Variants in NRXN3 observed in about 807,000 individuals in gnomAD.
The protein encoded by NRXN3 is neurexin 3, also known as neurexin III.
In NRXN3, 32 loss-of-function variants were observed where a neutral mutation model predicts 137.6. The ratio of observed to expected loss-of-function variants is 0.23; its 90% confidence interval spans 0.18 to 0.31. NRXN3 has a LOEUF of 0.31. Among genes scored for constraint, NRXN3 ranks in the 10% least tolerant of loss-of-function variants. NRXN3 has a pLI of 1.00. For synonymous variants in NRXN3, 798 were observed against 784.5 expected, an observed-to-expected ratio of 1.02 and a Z score of -0.29; for missense variants, 1,574 against 2,062.5, an observed-to-expected ratio of 0.76 and a Z score of 4.59.
rs1385773966 is a variant in NRXN3, at chr14:79,848,717, C to T, written c.4094-12625C>T. Among the ~76,000 whole-genome samples, 9 of 152,224 alleles carry T rather than the reference C, an allele frequency of 5.9e-5. No individual in the cohort carries two copies. In the East Asian group the frequency reaches 1.7e-3, roughly 29 times the overall value. On this transcript the variant is annotated intron_variant, in intron 20 of 20. Transcript: ENST00000335750. ...TGACTTTATTTCTCCAGCCCTGGCC[C>T]CTCACCTCACCATCTCTTAGCTGGC...
At chr14:79,258,836 C>A (rs2077138498) in intron 15 of NRXN3, among the ~76,000 whole-genome samples, 4 of 152,116 alleles carry the variant, frequency 2.6e-5, no homozygotes, top group African/African-American at 9.7e-5. Context: ...AACAGATAGG[C>A]AGAGAAAAGA....
At chr14:79,598,811 G>T (rs1037926804) in intron 16 of NRXN3, among the ~76,000 whole-genome samples, 12 of 152,174 alleles carry the variant, frequency 7.9e-5, no homozygotes, top group African/African-American at 2.9e-4. Flanking sequence ...CCATCTAGTA[G>T]TAAAAGGTGT....
intron 2 of NRXN3, among the ~76,000 whole-genome samples, chr14:78,250,661 C>T (rs2068468515): frequency 6.6e-6 from 1 of 152,198 alleles, no homozygotes; most frequent in Non-Finnish European, 1.5e-5. Context: ...CTTAGCATCC[C>T]ACTGAATAGA....
At chr14:79,297,541 AATC>A (rs2084390011) in intron 15 of NRXN3, among the ~76,000 whole-genome samples, 1 of 152,160 alleles carries the variant, frequency 6.6e-6, no homozygotes, top group Non-Finnish European at 1.5e-5. Flanking sequence ...ACAAACAGGT[AATC>A]ATCTAATGTT....
At chr14:79,106,291 A>C (rs1447175635) in intron 15 of NRXN3, among the ~76,000 whole-genome samples, 1 of 152,076 alleles carries the variant, frequency 6.6e-6, no homozygotes, top group East Asian at 1.9e-4. Flanking sequence ...CTTGGACTGA[A>C]ACCCAATTCA....
At chr14:79,707,151 G>A (rs535901326) in intron 19 of NRXN3, among the ~76,000 whole-genome samples, 14 of 152,174 alleles carry the variant, frequency 9.2e-5, no homozygotes, top group African/African-American at 3.4e-4. Flanking sequence ...TTGAGAGAAG[G>A]AACAATAGCT....
At chr14:78,756,770 G>T (rs2098670475) in intron 8 of NRXN3, among the ~76,000 whole-genome samples, 1 of 152,180 alleles carries the variant, frequency 6.6e-6, no homozygotes, top group African/African-American at 2.4e-5. Context: ...GTTCTAGGAT[G>T]AAAATGTTTA....
At chr14:79,750,931 T>G (rs148647124) in intron 19 of NRXN3, among the ~76,000 whole-genome samples, 12 of 152,294 alleles carry the variant, frequency 7.9e-5, no homozygotes, top group African/African-American at 1.9e-4. Flanking sequence ...CTGTGCTTAT[T>G]ATGGGGATGA....
At chr14:78,366,872 T>C (rs139688797) in intron 4 of NRXN3, among the ~76,000 whole-genome samples, 201 of 152,310 alleles carry the variant, frequency 1.3e-3, no homozygotes, top group African/African-American at 4.6e-3. Context: ...AGCCATATCA[T>C]TGGTGTATTT....
intron 4 of NRXN3, among the ~76,000 whole-genome samples, chr14:78,316,292 G>C (rs1163467575): frequency 1.3e-5 from 2 of 151,852 alleles, no homozygotes; most frequent in Non-Finnish European, 2.9e-5. Context: ...GGGGGCGGGG[G>C]TGGCAGACAG....
In NRXN3 at chr14:79,499,778, A is replaced by T. The variant is rs141174639; in HGVS notation, c.3444+32376A>T. 1.1e-3 allele frequency among the ~76,000 whole-genome samples: 164 copies of T among 152,292 alleles called. 1 individual carries two copies. The highest frequency in any genetic ancestry group is 3.4e-3 in the African/African-American group (142 of 41,574). On this transcript the variant is annotated intron_variant, in intron 16 of 20. Coordinates refer to ENST00000335750, the MANE Select transcript of NRXN3 (RefSeq NM_001330195.2). The stretch of plus-strand genomic sequence containing the variant: ...ACCAGCCACCCTAATCTAGGGGACT[A>T]GAATACCGAAAGAAAATTTGCTTCT...
At chr14:79,565,317 A>ATGTGTG (rs1491068802) in intron 16 of NRXN3, among the ~76,000 whole-genome samples, 5 of 127,874 alleles carry the variant, frequency 3.9e-5, no homozygotes, top group Admixed American at 3.7e-4. Context: ...ATACACACAC[A>ATGTGTG]TGTGTGTGTA....
intron 10 of NRXN3, among the ~76,000 whole-genome samples, chr14:78,914,454 T>C (rs1484724226): frequency 6.6e-6 from 1 of 152,124 alleles, no homozygotes; most frequent in African/African-American, 2.4e-5. Flanking sequence ...GGATAGGGTA[T>C]GTCAGGGTGA....
At chr14:79,123,939 T>C (rs2055938920) in intron 15 of NRXN3, among the ~76,000 whole-genome samples, 1 of 152,190 alleles carries the variant, frequency 6.6e-6, no homozygotes, top group South Asian at 2.1e-4. Flanking sequence ...TAACCATTTC[T>C]AAGTTGTATC....
chr14:79,765,782 C>T (rs181362989), intron 19 of NRXN3, among the ~76,000 whole-genome samples: 5 of 152,260 alleles, frequency 3.3e-5, no homozygotes, highest in East Asian at 1.9e-4. Flanking sequence ...TCTTCTCTGG[C>T]GGTGTGAGAC....
intron 4 of NRXN3, among the ~76,000 whole-genome samples, chr14:78,384,350 T>A (rs1434730082): frequency 6.6e-6 from 1 of 152,036 alleles, no homozygotes; most frequent in Non-Finnish European, 1.5e-5. Flanking sequence ...TACTCCAAGA[T>A]AAGGAGAGGC....
chr14:79,447,933 C>G (rs916157084), intron 15 of NRXN3, among the ~76,000 whole-genome samples: 2 of 152,192 alleles, frequency 1.3e-5, no homozygotes, highest in Admixed American at 6.5e-5. Context: ...TTACCTTCCT[C>G]CCAAGTCTGA....
rs560657169 is a variant in NRXN3, at chr14:78,416,479, T to A, written c.757+118619T>A. ...AGGGTGGCGACACTGATTTTAACTG[T>A]CAAATTGATCTAGAGTTGTCAGATG... is the stretch of plus-strand genomic sequence containing the variant. On this transcript the variant is annotated intron_variant, in intron 4 of 20. Coordinates refer to ENST00000335750, the MANE Select transcript of NRXN3 (RefSeq NM_001330195.2). Among the ~76,000 whole-genome samples the A allele has an allele frequency of 7.9e-5, 12 of 152,292 alleles. No individual in the cohort carries two copies. The South Asian group carries it at 2.5e-3, about 32-fold the overall frequency.
chr14:78,908,510 T>C (rs947967232), intron 10 of NRXN3, among the ~76,000 whole-genome samples: 1 of 152,104 alleles, frequency 6.6e-6, no homozygotes, highest in African/African-American at 2.4e-5. Context: ...CTCATAGCAA[T>C]TATAATTTTT....
Sources: allele counts gnomAD v4.1 joint callset (sites outside exome capture counted in the v4.1 genomes callset), GRCh38; gene constraint gnomAD v4.1.1; transcripts MANE v1.5; gene names NCBI Gene and HGNC (gene_info 2026-07-23, HGNC 2026-07-21).